Variants in IGFL4 observed in about 807,000 individuals in gnomAD.
IGFL4 encodes insulin growth factor-like family member 4.
In IGFL4, 12 loss-of-function variants were observed where a neutral mutation model predicts 15.4. That is an observed-to-expected ratio of 0.78 (90% CI 0.50 to 1.26). IGFL4 has a LOEUF of 1.26. Among genes scored for constraint, IGFL4 ranks in the 50% most tolerant of loss-of-function variants. The pLI is 0.00. For synonymous variants in IGFL4, 54 were observed against 55.9 expected (o/e 0.97, Z 0.16); for missense variants, 126 against 147.8 (o/e 0.85, Z 0.76).
upstream of IGFL4, among the ~76,000 whole-genome samples, chr19:46,045,565 G>T (rs1969290885): frequency 6.6e-6 from 1 of 151,960 alleles, no homozygotes; most frequent in Non-Finnish European, 1.5e-5. Context: ...AGAATAGCCA[G>T]TTTAGAGAGG....
intron 2 of IGFL4, among the ~76,000 whole-genome samples, chr19:46,050,786 G>A (rs1969338594): frequency 6.6e-6 from 1 of 152,180 alleles, no homozygotes; most frequent in Non-Finnish European, 1.5e-5. Context: ...CCTTGCTAGA[G>A]ATTTAGACGT....
intron 2 of IGFL4, among the ~76,000 whole-genome samples, chr19:46,049,431 A>T (rs1213606748): frequency 6.6e-6 from 1 of 152,168 alleles, no homozygotes; most frequent in African/African-American, 2.4e-5. Flanking sequence ...AGGGGGGCAT[A>T]GTGGGAGTGA....
At chr19:46,048,286 A>G (rs1441522176) in intron 2 of IGFL4, among the ~76,000 whole-genome samples, 1 of 152,256 alleles carries the variant, frequency 6.6e-6, no homozygotes, top group Non-Finnish European at 1.5e-5. Flanking sequence ...AATAGAAGCC[A>G]TATATGACAA....
At chr19:46,053,084 G>C (rs1969362493) in intron 2 of IGFL4, among the ~76,000 whole-genome samples, 1 of 152,026 alleles carries the variant, frequency 6.6e-6, no homozygotes, top group African/African-American at 2.4e-5. Flanking sequence ...GTATAATTGG[G>C]GATAGGCAAG....
In IGFL4 at chr19:46,039,796, A is replaced by G. The variant is rs1969217664; in HGVS notation, c.*96T>C. 1 of 1,113,334 alleles carries G rather than the reference A, an allele frequency of 9.0e-7. No homozygotes were observed. The highest frequency in any genetic ancestry group is 1.6e-5 in the African/African-American group (1 of 64,292). 69.0% of individuals were successfully genotyped at this position (1,113,334 alleles called of 1,614,324 possible). Reference sequence around the variant, plus strand: ...ATTTGCACTCCAGCCTGGGGGACAGAGTGAAACTCTGTCACAACAACAACA... The same window carrying G: ...ATTTGCACTCCAGCCTGGGGGACAGGGTGAAACTCTGTCACAACAACAACA... On this transcript the variant is annotated 3_prime_UTR_variant, in exon 4 of 4. Coordinates refer to ENST00000377697, the MANE Select transcript of IGFL4 (RefSeq NM_001002923.3).
intron 1 of IGFL4, among the ~76,000 whole-genome samples, chr19:46,069,576 C>A: frequency 6.6e-6 from 1 of 152,152 alleles, no homozygotes; most frequent in Admixed American, 6.5e-5. Context: ...AATAAGATAT[C>A]ATACATCCCC....
intron 1 of IGFL4, among the ~76,000 whole-genome samples, chr19:46,076,772 AG>A: frequency 6.6e-6 from 1 of 151,910 alleles, no homozygotes; most frequent in East Asian, 1.9e-4. Context: ...AATATGTAAA[AG>A]TGAAAACAAA....
intron 1 of IGFL4, among the ~76,000 whole-genome samples, chr19:46,064,616 C>T (rs1279642538): frequency 1.3e-5 from 2 of 152,038 alleles, no homozygotes; most frequent in African/African-American, 2.4e-5. Context: ...TTGGTATGAC[C>T]GCCAGTTCTA....
At chr19:46,047,544 AAG>A (rs1324263504) in intron 2 of IGFL4, among the ~76,000 whole-genome samples, 2 of 152,210 alleles carry the variant, frequency 1.3e-5, no homozygotes, top group African/African-American at 2.4e-5. Flanking sequence ...TGAAGAAGAA[AAG>A]AGAGAATAAT....
chr19:46,041,728 G>A (rs1053590865), upstream of IGFL4, among the ~76,000 whole-genome samples: 4 of 151,908 alleles, frequency 2.6e-5, no homozygotes, highest in African/African-American at 9.7e-5. Flanking sequence ...GTGTCACAGT[G>A]AGAAGGGTGG....
At position 46,040,133 on chromosome 19, in the gene IGFL4, C is replaced by T; in HGVS notation, c.330+24G>A. 1 of 1,611,832 alleles carries T rather than the reference C, an allele frequency of 6.2e-7. No individual in the cohort carries two copies. Among genetic ancestry groups the T allele is most frequent in the Non-Finnish European group, 8.5e-7 (1 of 1,178,918 alleles). ...CATTCCCTACTCCCCCCTCCCACAG[C>T]CTGGACTGGAGTCAGATCCTTACCT... is the stretch of plus-strand genomic sequence containing the variant. On this transcript the variant is annotated intron_variant, in intron 3 of 3. Coordinates refer to ENST00000377697, the MANE Select transcript of IGFL4 (RefSeq NM_001002923.3). The surrounding 1 kb of genome is among the most constrained non-coding windows in gnomAD (Gnocchi z 4.1).
chr19:46,043,767 C>A (rs926871269), upstream of IGFL4, among the ~76,000 whole-genome samples: 1 of 152,006 alleles, frequency 6.6e-6, no homozygotes, highest in Non-Finnish European at 1.5e-5. Context: ...CCAAAGCTTA[C>A]ACTTCCTACA....
chr19:46,040,959 C>T lies in IGFL4; in HGVS notation c.4G>A (p.Val2Met), dbSNP rs200186851. 37 of 1,590,310 alleles carry T rather than the reference C, an allele frequency of 2.3e-5. No individual in the cohort carries two copies. Among genetic ancestry groups the T allele is most frequent in the Non-Finnish European group, 3.0e-5 (35 of 1,170,410 alleles). The change falls in exon 1 of 4, where the codon GTG (valine) becomes ATG (methionine). Residue 2 changes from valine (V) to methionine (M), a missense_variant. By Grantham distance (21) the Val-to-Met change is conservative. Coordinates refer to ENST00000377697, the MANE Select transcript of IGFL4 (RefSeq NM_001002923.3). The surrounding 1 kb of genome is among the most constrained non-coding windows in gnomAD (Gnocchi z 4.1). M[V>M]PRISAAIFIF... Reference sequence around the variant, plus strand: ...GTCTCCTTACCAGAAATTCTGGGCACCATGGGTTAGGCTTCAGAGCAGCGG... The same window carrying T: ...GTCTCCTTACCAGAAATTCTGGGCATCATGGGTTAGGCTTCAGAGCAGCGG...
intron 1 of IGFL4, among the ~76,000 whole-genome samples, chr19:46,065,308 GCTTTTCTTTTCTTTTCTTTT>G (rs145761586): frequency 1.3e-5 from 2 of 150,582 alleles, no homozygotes; most frequent in African/African-American, 4.9e-5. Flanking sequence ...CTGTGCAGAA[GCTTTTCTTTTCTTTTCTTTT>G]CTTTTCTTTT....
rs560352556 is a variant in IGFL4 at position 46,064,310 on chromosome 19, C to G, written c.-431-4017G>C. On this transcript the variant is annotated intron_variant, in intron 1 of 5. Transcript: ENST00000601672. ...TTTATCCTTTGTGTTACAAATAATC[C>G]AATTACACTCTTGGTTATTTAAAAA... Among the ~76,000 whole-genome samples the G allele has an allele frequency of 2.2e-4, 33 of 152,092 alleles. 1 individual carries two copies. The South Asian group carries it at 3.5e-3, about 16-fold the overall frequency.
chr19:46,076,760 G>T (rs571185910), intron 1 of IGFL4, among the ~76,000 whole-genome samples: 1 of 151,260 alleles, frequency 6.6e-6, no homozygotes, highest in Non-Finnish European at 1.5e-5. Context: ...AAAATGCCCA[G>T]AAATATGTAA....
upstream of IGFL4, chr19:46,041,210 A>G: frequency 2.2e-6 from 1 of 462,822 alleles, no homozygotes; most frequent in Non-Finnish European, 3.8e-6. Context: ...TCCTCAGGGT[A>G]AAGGCTACCC....
chr19:46,077,182 C>G (rs529124941), upstream of IGFL4: 14 of 152,366 alleles, frequency 9.2e-5, no homozygotes, highest in East Asian at 2.7e-3. The surrounding 1 kb of genome is among the most constrained non-coding windows in gnomAD (Gnocchi z 5.4). Flanking sequence ...GGGCGTTCAC[C>G]CGGGTGCCGG....
Position 46,068,766 on chromosome 19 carries a change from A to T in IGFL4, c.-432+8254T>A, listed in dbSNP as rs575260804. Among the ~76,000 whole-genome samples, 20 of 152,260 alleles carry T rather than the reference A, an allele frequency of 1.3e-4. No individual in the cohort carries two copies. In the East Asian group the frequency reaches 3.1e-3, roughly 23 times the overall value. On this transcript the variant is annotated intron_variant, in intron 1 of 5. Coordinates refer to the IGFL4 transcript ENST00000601672. ...ATTGGGAGCTCAGTCTGAGGCAATT[A>T]TGTGGTTTCATAGAGGAAGAGGTAG...
Sources: allele counts gnomAD v4.1 joint callset (sites outside exome capture counted in the v4.1 genomes callset), GRCh38; gene constraint gnomAD v4.1.1; non-coding constraint Gnocchi (gnomAD v3.1); transcripts MANE v1.5; gene names NCBI Gene and HGNC (gene_info 2026-07-23, HGNC 2026-07-21).